The following GRM8 variants were observed in gnomAD, a reference collection of about 807,000 sequenced individuals.
GRM8 encodes the protein glutamate metabotropic receptor 8, also known as metabotropic glutamate receptor 8.
GRM8 carries 47 observed loss-of-function variants against 87.2 expected under a neutral mutation model. The ratio of observed to expected loss-of-function variants is 0.54; its 90% CI spans 0.43 to 0.69. The LOEUF (loss-of-function observed/expected upper bound fraction) is 0.69, where lower values mean the gene tolerates loss of function less well. Ranked by LOEUF, GRM8 falls within the 30% of genes least tolerant of loss-of-function variation. The pLI, the probability that GRM8 is intolerant of heterozygous loss-of-function variation, is 0.00. For synonymous variants in GRM8, 396 were observed against 404.5 expected, an observed-to-expected ratio of 0.98 and a Z score of 0.25; for missense variants, 1,019 against 1,139.2, an observed-to-expected ratio of 0.89 and a Z score of 1.52.
In GRM8 at chr7:126,754,051, G is replaced by GT. The variant is rs893833069; in HGVS notation, c.1357+15813dup. 1.8e-3 allele frequency among the ~76,000 whole-genome samples: 273 copies of GT among 151,686 alleles called. 2 individuals are homozygous for GT. The highest frequency in any genetic ancestry group is 6.0e-3 in the African/African-American group (247 of 41,450). On this transcript the variant is annotated intron_variant, in intron 7 of 10. Coordinates refer to ENST00000339582, the MANE Select transcript of GRM8 (RefSeq NM_000845.3). ...CCGGATAATGATATGGCATTTAACA[G>GT]TTTTTTTTCCTAATTCAAACCAAAC... is the stretch of plus-strand genomic sequence containing the variant.
intron 3 of GRM8, among the ~76,000 whole-genome samples, chr7:127,028,990 T>C (rs1209993933): frequency 2.6e-5 from 4 of 152,226 alleles, no homozygotes; most frequent in African/African-American, 4.8e-5. Flanking sequence ...TAAATTTCCC[T>C]CTACACACTG....
intron 7 of GRM8, among the ~76,000 whole-genome samples, chr7:126,686,101 T>C (rs965519113): frequency 2.0e-5 from 3 of 150,174 alleles, no homozygotes; most frequent in African/African-American, 7.4e-5. Context: ...CTGCTGAAAG[T>C]TGAGGAGACA....
chr7:127,104,987 TGCAGA>T (rs1055319707), intron 3 of GRM8, among the ~76,000 whole-genome samples: 7 of 152,186 alleles, frequency 4.6e-5, no homozygotes, highest in Non-Finnish European at 8.8e-5. Context: ...GTCCTCAAGT[TGCAGA>T]ATGTCCAGGA....
intron 3 of GRM8, among the ~76,000 whole-genome samples, chr7:127,044,404 G>T (rs999065299): frequency 6.6e-6 from 1 of 152,088 alleles, no homozygotes; most frequent in African/African-American, 2.4e-5. Flanking sequence ...TTAGAAAGAT[G>T]CATCTACTTT....
intron 2 of GRM8, among the ~76,000 whole-genome samples, chr7:127,121,151 T>A (rs1382497080): frequency 6.6e-6 from 1 of 152,222 alleles, no homozygotes; most frequent in Admixed American, 6.5e-5. Context: ...TCTGTCTGAT[T>A]GTTACTGCTT....
intron 9 of GRM8, among the ~76,000 whole-genome samples, chr7:126,497,705 G>A (rs2150676522): frequency 6.6e-6 from 1 of 152,016 alleles, no homozygotes; most frequent in East Asian, 2.0e-4. Context: ...TCTGTAAATG[G>A]TAAATGTAAA....
At chr7:126,554,891 C>T (rs969634616) in intron 8 of GRM8, among the ~76,000 whole-genome samples, 6 of 152,058 alleles carry the variant, frequency 3.9e-5, no homozygotes, top group African/African-American at 1.4e-4. Flanking sequence ...TAAAGAACTT[C>T]CTGTTTTGTT....
At chr7:127,133,706 CAAAAAAAAAAA>C (rs137900224) in intron 2 of GRM8, among the ~76,000 whole-genome samples, 1 of 98,774 alleles carries the variant, frequency 1.0e-5, no homozygotes, top group Non-Finnish European at 2.1e-5. Context: ...ACTCCCTCTC[CAAAAAAAAAAA>C]AAAAAAAAAA....
At chr7:126,466,961 G>A (rs1804569707) in intron 9 of GRM8, among the ~76,000 whole-genome samples, 1 of 151,746 alleles carries the variant, frequency 6.6e-6, no homozygotes, top group Admixed American at 6.6e-5. Flanking sequence ...GAATTTCTGG[G>A]TAAATTCTAA....
intron 7 of GRM8, among the ~76,000 whole-genome samples, chr7:126,677,366 A>G (rs1413273314): frequency 6.6e-6 from 1 of 151,824 alleles, no homozygotes; most frequent in African/African-American, 2.4e-5. Flanking sequence ...CACCCAAAAA[A>G]AAAAAAAAAG....
chr7:127,151,891 G>C lies in GRM8; in HGVS notation c.511-45179C>G, dbSNP rs530224367. Among the ~76,000 whole-genome samples, 5 of 152,070 alleles carry C rather than the reference G, an allele frequency of 3.3e-5. No individual in the cohort carries two copies. In the South Asian group the frequency reaches 1.0e-3, roughly 32 times the overall value. On this transcript the variant is annotated intron_variant, in intron 2 of 10. Transcript: ENST00000339582. ...ATAGTCTATATTCTGAGGTTTTGTAGGTTTCTCTTTTGCATTCCAAAGCCT... is the reference window on the plus strand; with the variant it reads ...ATAGTCTATATTCTGAGGTTTTGTACGTTTCTCTTTTGCATTCCAAAGCCT...
intron 2 of GRM8, among the ~76,000 whole-genome samples, chr7:127,186,547 T>C (rs17862314): frequency 6.6e-6 from 1 of 152,080 alleles, no homozygotes; most frequent in African/African-American, 2.4e-5. Flanking sequence ...TCCTAGCAGA[T>C]AGCCTCTCCC....
intron 6 of GRM8, among the ~76,000 whole-genome samples, chr7:126,773,546 A>G (rs1819085770): frequency 6.6e-6 from 1 of 152,132 alleles, no homozygotes; most frequent in Admixed American, 6.6e-5. Flanking sequence ...TCAATTTAAT[A>G]TATTATCATT....
intron 7 of GRM8, among the ~76,000 whole-genome samples, chr7:126,618,780 T>G (rs890373424): frequency 6.6e-6 from 1 of 152,118 alleles, no homozygotes; most frequent in Non-Finnish European, 1.5e-5. Context: ...AAAATGCTCA[T>G]CATCACTGGC....
intron 2 of GRM8, among the ~76,000 whole-genome samples, chr7:127,241,765 G>A (rs1798318325): frequency 6.6e-6 from 1 of 152,076 alleles, no homozygotes; most frequent in Non-Finnish European, 1.5e-5. Flanking sequence ...TAAAACAAAG[G>A]CTCATTAATT....
At chr7:127,063,278 AG>A (rs529920251) in intron 3 of GRM8, among the ~76,000 whole-genome samples, 69 of 152,114 alleles carry the variant, frequency 4.5e-4, no homozygotes, top group African/African-American at 1.4e-3. Context: ...CAAACAAAAA[AG>A]CAACTCCTAA....
At chr7:127,116,990 G>A (rs1826735845) in intron 2 of GRM8, among the ~76,000 whole-genome samples, 1 of 152,052 alleles carries the variant, frequency 6.6e-6, no homozygotes, top group Non-Finnish European at 1.5e-5. Flanking sequence ...GTAAGGGTAA[G>A]GCATGAATAA....
At chr7:126,714,954 G>T (rs1811558025) in intron 7 of GRM8, among the ~76,000 whole-genome samples, 1 of 152,158 alleles carries the variant, frequency 6.6e-6, no homozygotes, top group Admixed American at 6.5e-5. Flanking sequence ...TATCATAAGT[G>T]TATGTCATCT....
chr7:126,668,789 T>C, intron 7 of GRM8, among the ~76,000 whole-genome samples: 1 of 152,308 alleles, frequency 6.6e-6, no homozygotes, highest in East Asian at 1.9e-4. Flanking sequence ...TTTTTTTAGA[T>C]GTTTTACTAG....
Sources: allele counts gnomAD v4.1 joint callset (sites outside exome capture counted in the v4.1 genomes callset), GRCh38; gene constraint gnomAD v4.1.1; transcripts MANE v1.5; gene names NCBI Gene and HGNC (gene_info 2026-07-23, HGNC 2026-07-21).